Variants in TP53BP2 observed in about 807,000 individuals in gnomAD.
TP53BP2 encodes the protein tumor protein p53 binding protein 2, also known as apoptosis-stimulating of p53 protein 2.
TP53BP2 carries 62 observed loss-of-function variants against 126.2 expected under a neutral mutation model. That is an observed-to-expected ratio of 0.49 (90% CI 0.40 to 0.61). The LOEUF is 0.61. Among genes scored for constraint, TP53BP2 ranks in the 20% least tolerant of loss-of-function variants. The pLI is 0.00. For missense variants in TP53BP2, 1,215 were observed against 1,402.8 expected (o/e 0.87, Z 2.14); for synonymous variants, 485 against 502.9 (o/e 0.96, Z 0.48).
chr1:223,828,796 CA>C (rs542862434), intron 1 of TP53BP2, among the ~76,000 whole-genome samples: 92 of 152,032 alleles, frequency 6.1e-4, no homozygotes, highest in African/African-American at 2.2e-3. Context: ...TGCATACAGA[CA>C]AAAAGTTGAT....
chr1:223,825,440 T>C (rs1304472458), intron 1 of TP53BP2, among the ~76,000 whole-genome samples: 3 of 152,220 alleles, frequency 2.0e-5, no homozygotes, highest in East Asian at 1.9e-4. Context: ...TCACTGCCTC[T>C]AGTTCTGTCT....
Position 223,812,185 on chromosome 1 carries a change from A to T in TP53BP2, c.290-1672T>A, listed in dbSNP as rs369201786. Among the ~76,000 whole-genome samples the T allele has an allele frequency of 3.3e-5, 5 of 152,204 alleles. No individual in the cohort carries two copies. The East Asian group carries it at 7.7e-4, about 23-fold the overall frequency. ...GCTTGGCTGAGGTGATTCAGGTTCCACTCCTGGCTCTGCCTCTAGGTGTGT... is the reference window on the plus strand; with the variant it reads ...GCTTGGCTGAGGTGATTCAGGTTCCTCTCCTGGCTCTGCCTCTAGGTGTGT... On this transcript the variant is annotated intron_variant, in intron 3 of 17. Coordinates refer to ENST00000343537, the MANE Select transcript of TP53BP2 (RefSeq NM_001031685.3).
chr1:223,815,248 C>A (rs1487012983), intron 2 of TP53BP2, among the ~76,000 whole-genome samples: 3 of 152,198 alleles, frequency 2.0e-5, no homozygotes, highest in Admixed American at 6.5e-5. Flanking sequence ...CAAGCATTCA[C>A]CAGCCAATTT....
chr1:223,794,634 TAAC>T (rs1315348279), intron 13 of TP53BP2, among the ~76,000 whole-genome samples: 1 of 152,162 alleles, frequency 6.6e-6, no homozygotes, highest in Non-Finnish European at 1.5e-5. Flanking sequence ...GGCCAGAAAA[TAAC>T]AAGTGGCTGT....
At chr1:223,825,999 A>G (rs1390590880) in intron 1 of TP53BP2, 1 of 152,422 alleles carries the variant, frequency 6.6e-6, no homozygotes, top group African/African-American at 2.4e-5. Context: ...GACACTCAGC[A>G]CAGGAGCCCT....
Position 223,845,828 on chromosome 1 carries a change from C to G in TP53BP2, c.-148G>C, listed in dbSNP as rs1042553703. On this transcript the variant is annotated 5_prime_UTR_variant, in exon 1 of 18. Transcript: ENST00000343537. ...CGGCGGCGCGCGGGTCCGAAGGGCC[C>G]TCCGCGCGGGCTGGGGCACCAACAA... is the stretch of plus-strand genomic sequence containing the variant. 1.6e-6 allele frequency: 1 copy of G among 636,430 alleles called. No homozygotes were observed. The highest frequency in any genetic ancestry group is 1.9e-5 in the African/African-American group (1 of 51,402). 39.4% of individuals were successfully genotyped at this position (636,430 alleles called of 1,614,324 possible). A position where few individuals can be genotyped will look rare whatever the true frequency, so the allele number is the denominator to read the frequency against.
intron 17 of TP53BP2, among the ~76,000 whole-genome samples, chr1:223,782,776 G>A (rs1009447147): frequency 4.6e-5 from 7 of 152,082 alleles, no homozygotes; most frequent in Non-Finnish European, 8.8e-5. Context: ...TTTAAGGGCT[G>A]CATAGTCTAA....
rs919251669 is a variant in TP53BP2 at position 223,831,478 on chromosome 1, A to T, written c.28-10111T>A. On this transcript the variant is annotated intron_variant, in intron 1 of 17. Transcript: ENST00000343537. ...CATATGTACCATCTAAAAAAAAAAAAAAATATATATATATATATATATATA... is the reference window on the plus strand; with the variant it reads ...CATATGTACCATCTAAAAAAAAAAATAAATATATATATATATATATATATA... Among the ~76,000 whole-genome samples, 287 of 43,450 alleles carry T rather than the reference A, an allele frequency of 6.6e-3. 2 individuals carry two copies. Among genetic ancestry groups the T allele is most frequent in the Admixed American group, 0.011 (35 of 3,232 alleles). The allele number at this position is 43,450 out of a possible 152,430, so 28.5% of individuals were successfully genotyped here.
Position 223,831,759 on chromosome 1 carries a change from A to AT in TP53BP2, c.28-10393dup, listed in dbSNP as rs1344008108. 3.3e-4 allele frequency among the ~76,000 whole-genome samples: 41 copies of AT among 124,870 alleles called. No individual in the cohort carries two copies. The East Asian group carries it at 8.8e-3, about 27-fold the overall frequency. 81.9% of individuals were successfully genotyped at this position (124,870 alleles called of 152,430 possible). ...CAAGAGAAGGAAAGTCGAAGGAAAG[A>AT]TAAAAAAAAAAAAAAAACACTGTGT... is the stretch of plus-strand genomic sequence containing the variant. On this transcript the variant is annotated intron_variant, in intron 1 of 17. Coordinates refer to ENST00000343537, the MANE Select transcript of TP53BP2 (RefSeq NM_001031685.3).
At chr1:223,781,701 C>T (rs1195544368) in intron 17 of TP53BP2, among the ~76,000 whole-genome samples, 2 of 151,514 alleles carry the variant, frequency 1.3e-5, no homozygotes, top group Non-Finnish European at 2.9e-5. Context: ...CTGGTGGATC[C>T]ATGTTACAGA....
rs1558093452 is a variant in TP53BP2 at position 223,798,575 on chromosome 1, T to C, written c.1588A>G (p.Ile530Val). 2.5e-6 allele frequency: 4 copies of C among 1,614,098 alleles called. No homozygotes were observed. ...TGCTGAGAACTTCCGTCTGGCTTAA[T>C]GTCTGAAGGTGGCTGATTAGTTTGT... is the stretch of plus-strand genomic sequence containing the variant. ...FGQTNQPPSD[I>V]KPDGSSQQLS... Residue 530 changes from isoleucine (I) to valine (V), a missense_variant, in exon 12 of 18, where the codon ATT (isoleucine) becomes GTT (valine). By Grantham distance (29) the Ile-to-Val change is conservative. Coordinates refer to ENST00000343537, the MANE Select transcript of TP53BP2 (RefSeq NM_001031685.3).
chr1:223,813,499 T>C (rs948506742), intron 3 of TP53BP2, among the ~76,000 whole-genome samples: 3 of 152,148 alleles, frequency 2.0e-5, no homozygotes, highest in Admixed American at 2.0e-4. Flanking sequence ...CCTCCTGTCT[T>C]CACTTCTTCC....
chr1:223,830,816 C>T lies in TP53BP2; in HGVS notation c.28-9449G>A, dbSNP rs184309068. Reference sequence around the variant, plus strand: ...TTAACTTTAAAAATATATGTACCATCGGCCGGGCACAGTGGCTCACGCCTG... The same window carrying T: ...TTAACTTTAAAAATATATGTACCATTGGCCGGGCACAGTGGCTCACGCCTG... On this transcript the variant is annotated intron_variant, in intron 1 of 17. Transcript: ENST00000343537. Among the ~76,000 whole-genome samples, 17 of 152,248 alleles carry T rather than the reference C, an allele frequency of 1.1e-4. 1 individual carries two copies. Among genetic ancestry groups the T allele is most frequent in the Admixed American group, 8.5e-4 (13 of 15,278 alleles).
chr1:223,825,009 C>T (rs1663438505), intron 1 of TP53BP2, among the ~76,000 whole-genome samples: 1 of 137,868 alleles, frequency 7.3e-6, no homozygotes, highest in East Asian at 2.0e-4. Context: ...GGAACCCTAC[C>T]TAGAATTCCA....
At position 223,802,362 on chromosome 1, in the gene TP53BP2, G is replaced by T; in HGVS notation, c.997-18C>A. Reference sequence around the variant, plus strand: ...GATGAAACCTTAGGAAAGAAGCACAGGTCCTTTAGTATTAAAAATCATCTC... The same window carrying T: ...GATGAAACCTTAGGAAAGAAGCACATGTCCTTTAGTATTAAAAATCATCTC... On this transcript the variant is annotated intron_variant, in intron 8 of 17. Coordinates refer to ENST00000343537, the MANE Select transcript of TP53BP2 (RefSeq NM_001031685.3). 6.2e-7 allele frequency: 1 copy of T among 1,604,086 alleles called. No homozygotes were observed. The highest frequency in any genetic ancestry group is 1.1e-5 in the South Asian group (1 of 90,168).
chr1:223,835,972 A>C (rs998935568), intron 1 of TP53BP2, among the ~76,000 whole-genome samples: 2 of 152,176 alleles, frequency 1.3e-5, no homozygotes, highest in East Asian at 3.9e-4. Context: ...AAGTACTATT[A>C]AGCTAAAACT....
At chr1:223,838,664 T>C (rs1036728272) in intron 1 of TP53BP2, among the ~76,000 whole-genome samples, 5 of 152,226 alleles carry the variant, frequency 3.3e-5, no homozygotes, top group African/African-American at 7.2e-5. Flanking sequence ...CCAAAAGTAA[T>C]TGTGGTTTTG....
rs756240234 is a variant in TP53BP2 at position 223,796,143 on chromosome 1, T to C, written c.2396A>G (p.His799Arg). 8 of 1,614,074 alleles carry C rather than the reference T, an allele frequency of 5.0e-6. No individual in the cohort carries two copies. Among genetic ancestry groups the C allele is most frequent in the South Asian group, 1.1e-5 (1 of 91,088 alleles). The stretch of plus-strand genomic sequence containing the variant: ...GACCACCTCCTTTTCGGGCTCCACA[T>C]GTAAATATGGATTCTGGATTTCTAC... ...SPVEIQNPYL[H>R]VEPEKEVVSL... The change falls in exon 13 of 18, where the codon CAT becomes CGT. Residue 799 changes from histidine to arginine, a missense_variant. Transcript: ENST00000343537. The surrounding 1 kb of genome is among the most constrained non-coding windows in gnomAD (Gnocchi z 4.2).
At chr1:223,809,631 GAAGA>G (rs2102861185) in intron 4 of TP53BP2, among the ~76,000 whole-genome samples, 1 of 151,938 alleles carries the variant, frequency 6.6e-6, no homozygotes, top group East Asian at 1.9e-4. Flanking sequence ...AGAAGAATCT[GAAGA>G]AAGACACAGT....
Sources: allele counts gnomAD v4.1 joint callset (sites outside exome capture counted in the v4.1 genomes callset), GRCh38; gene constraint gnomAD v4.1.1; non-coding constraint Gnocchi (gnomAD v3.1); transcripts MANE v1.5; gene names NCBI Gene and HGNC (gene_info 2026-07-23, HGNC 2026-07-21).